The following TICRR variants were observed in gnomAD, a reference collection of about 807,000 sequenced individuals.
The protein encoded by TICRR is treslin.
Under a neutral mutation model 178.1 loss-of-function variants are expected in TICRR, and 132 were observed. That is an observed-to-expected ratio of 0.74 (90% CI 0.64 to 0.86). The LOEUF (loss-of-function observed/expected upper bound fraction) is 0.86, where lower values mean the gene tolerates loss of function less well. Ranked by LOEUF, TICRR falls within the 40% of genes least tolerant of loss-of-function variation. TICRR has a pLI of 0.00. For missense variants in TICRR, 2,587 were observed against 2,334.3 expected (o/e 1.11, Z -2.23); for synonymous variants, 991 against 900.7 (o/e 1.10, Z -1.79).
At chr15:89,582,571 G>A (rs1473344103) in intron 1 of TICRR, 115 bp from the exon 2 acceptor site, 2 of 936,580 alleles carry the variant, frequency 2.1e-6, no homozygotes, top group East Asian at 2.4e-5. Flanking sequence ...TACATTGGTT[G>A]TGTAATTCGA....
In TICRR at chr15:89,599,410, T is replaced by C; in HGVS notation, c.1987T>C (p.Cys663Arg). 1 of 1,613,932 alleles carries C rather than the reference T, an allele frequency of 6.2e-7. No homozygotes were observed. Among genetic ancestry groups the C allele is most frequent in the Non-Finnish European group, 8.5e-7 (1 of 1,179,940 alleles). The change falls in exon 8 of 22, where the codon TGT becomes CGT. Residue 663 changes from cysteine to arginine, a missense_variant. Cys to Arg is a radical substitution (Grantham distance 180). Transcript: ENST00000268138. ...VATGEIMLYA[C>R]ARNMISTVKM... ...CACAGGAGAAATCATGTTGTATGCATGTGCTCGAAACATGATCTCAACCGT... is the reference window on the plus strand; with the variant it reads ...CACAGGAGAAATCATGTTGTATGCACGTGCTCGAAACATGATCTCAACCGT...
intron 1 of TICRR, among the ~76,000 whole-genome samples, chr15:89,580,303 C>T (rs113891074): frequency 0.024 from 3,677 of 152,292 alleles, 111 homozygotes; most frequent in African/African-American, 0.069. Context: ...GGATTACAGG[C>T]GTCAGCCACC....
At chr15:89,616,851 G>A (rs1963343794) in intron 16 of TICRR, among the ~76,000 whole-genome samples, 1 of 152,244 alleles carries the variant, frequency 6.6e-6, no homozygotes, top group African/African-American at 2.4e-5. Flanking sequence ...TGACAGAGGT[G>A]TGGGTGGGGC....
chr15:89,582,616 G>A, intron 1 of TICRR, 70 bp from the exon 2 acceptor site: 1 of 1,429,628 alleles, frequency 7.0e-7, no homozygotes, highest in Non-Finnish European at 9.6e-7. Flanking sequence ...ACTTTCTCCT[G>A]ATTTCCTTTA....
chr15:89,583,266 G>A (rs1232667307), intron 2 of TICRR, among the ~76,000 whole-genome samples: 2 of 152,192 alleles, frequency 1.3e-5, no homozygotes, highest in African/African-American at 2.4e-5. Context: ...ATGGGTATAC[G>A]ATTTCATTGC....
chr15:89,623,932 C>G lies in TICRR; in HGVS notation c.3622C>G (p.Pro1208Ala), dbSNP rs1470550962. The G allele has an allele frequency of 6.2e-7, 1 of 1,614,066 alleles. No individual in the cohort carries two copies. The highest frequency in any genetic ancestry group is 1.7e-5 in the Admixed American group (1 of 60,016). The change falls in exon 20 of 22, where the codon CCA becomes GCA. Residue 1208 changes from proline (P) to alanine (A), a missense_variant. Coordinates refer to ENST00000268138, the MANE Select transcript of TICRR (RefSeq NM_152259.4). ...RQGTQPPGFL[P>A]NCTWPHSVNS... is the part of the protein sequence containing the mutation. ...AGGTACTCAGCCGCCTGGGTTTTTGCCAAACTGTACTTGGCCACATTCAGT... is the reference window on the plus strand; with the variant it reads ...AGGTACTCAGCCGCCTGGGTTTTTGGCAAACTGTACTTGGCCACATTCAGT...
chr15:89,606,644 A>T, intron 13 of TICRR, 124 bp from the exon 14 acceptor site: 1 of 762,858 alleles, frequency 1.3e-6, no homozygotes, highest in Non-Finnish European at 2.2e-6. Context: ...TGTACATTTT[A>T]TTATTTCTAT....
chr15:89,613,788 A>G (rs1963291507), intron 15 of TICRR, among the ~76,000 whole-genome samples: 1 of 97,814 alleles, frequency 1.0e-5, no homozygotes, highest in African/African-American at 4.2e-5. Flanking sequence ...TTGGCAAGTC[A>G]TTGGACTCAT....
At chr15:89,619,966 T>A in intron 18 of TICRR, 124 bp downstream of exon 18, 1 of 1,200,700 alleles carries the variant, frequency 8.3e-7, no homozygotes, top group Non-Finnish European at 1.2e-6. Context: ...TAGGTATGTC[T>A]AGTTGAGGTT....
Position 89,601,737 on chromosome 15 carries a change from G to T in TICRR, c.2328G>T (p.Leu776Phe). 1.9e-6 allele frequency: 3 copies of T among 1,614,108 alleles called. No individual in the cohort carries two copies. Among genetic ancestry groups the T allele is most frequent in the Non-Finnish European group, 2.5e-6 (3 of 1,180,000 alleles). ...CGTATTCGATCAATCTGTTCCACAG[G>T]TATATTGACTCTATCCCAAAGACAC... The part of the protein sequence containing the change: ...LAEFLEEILR[L>F]YIDSIPKTLG... Residue 776 changes from leucine to phenylalanine, a missense_variant and splice_region_variant, in exon 12 of 22, where the codon TTG (leucine) becomes TTT (phenylalanine). Transcript: ENST00000268138.
At chr15:89,619,004 A>G (rs1234236458) in intron 17 of TICRR, among the ~76,000 whole-genome samples, 3 of 152,156 alleles carry the variant, frequency 2.0e-5, no homozygotes, top group African/African-American at 7.2e-5. Flanking sequence ...AGGGGTTTTA[A>G]AAAACTAACT....
chr15:89,619,556 A>G (rs981368303), intron 17 of TICRR, 152 bp from the exon 18 acceptor site: 41 of 740,414 alleles, frequency 5.5e-5, no homozygotes, highest in Non-Finnish European at 8.6e-6. Flanking sequence ...TAGTTTGTTA[A>G]GAGACACTTC....
chr15:89,598,739 C>T (rs746516899), intron 7 of TICRR, among the ~76,000 whole-genome samples: 5 of 152,120 alleles, frequency 3.3e-5, no homozygotes, highest in Non-Finnish European at 4.4e-5. Flanking sequence ...GGCATGGTGG[C>T]TCATGCCAGT....
chr15:89,619,608 A>C, intron 17 of TICRR, 100 bp from the exon 18 acceptor site: 2 of 1,259,864 alleles, frequency 1.6e-6, no homozygotes, highest in East Asian at 4.7e-5. Flanking sequence ...TTTCCATCTT[A>C]TATGTGGTAC....
chr15:89,625,462 T>A lies in TICRR; in HGVS notation c.5152T>A (p.Ser1718Thr), dbSNP rs1866928. 0.34 allele frequency: 544,772 copies of A among 1,613,282 alleles called. 93,023 individuals carry two copies. Among genetic ancestry groups the A allele is most frequent in the African/African-American group, 0.42 (31,456 of 74,800 alleles). ...DLPGSLSLLESEGKDHGLELS... is the reference protein window; with the variant it reads ...DLPGSLSLLETEGKDHGLELS... ...TCCTGGGAGCCTGTCACTGCTTGAGTCAGAGGGCAAGGACCACGGCCTTGA... is the reference window on the plus strand; with the variant it reads ...TCCTGGGAGCCTGTCACTGCTTGAGACAGAGGGCAAGGACCACGGCCTTGA... The change falls in exon 20 of 22, where the codon TCA becomes ACA. Residue 1718 changes from serine (S) to threonine (T), a missense_variant. Physicochemically the swap from Ser to Thr is moderately conservative, Grantham distance 58. Transcript: ENST00000268138.
At chr15:89,593,447 G>T (rs139726249) in intron 5 of TICRR, among the ~76,000 whole-genome samples, 6 of 152,108 alleles carry the variant, frequency 3.9e-5, no homozygotes, top group Admixed American at 3.3e-4. Context: ...GCTCACACCC[G>T]TAACCCCAGT....
intron 13 of TICRR, among the ~76,000 whole-genome samples, chr15:89,605,637 C>T (rs557450297): frequency 2.6e-5 from 4 of 152,282 alleles, no homozygotes; most frequent in Non-Finnish European, 4.4e-5. Context: ...GGATTACAGG[C>T]GTGAGCCTCT....
Position 89,595,481 on chromosome 15 carries a change from G to A in TICRR, c.1770G>A (p.Lys590=). Residue 590 remains lysine (K), a synonymous_variant, in exon 7 of 22, where the codon AAG becomes AAA. Transcript: ENST00000268138. ...TGAATGTCGCAAGGCTGAATGTGAA[G>A]GCCCAGAAGTTACATCCAGATGGCA... The part of the protein sequence containing the change: ...KMLNVARLNV[K]AQKLHPDGSP... 6.2e-7 allele frequency: 1 copy of A among 1,614,142 alleles called. No individual in the cohort carries two copies. The highest frequency in any genetic ancestry group is 8.5e-7 in the Non-Finnish European group (1 of 1,180,022).
intron 4 of TICRR, among the ~76,000 whole-genome samples, chr15:89,586,601 ATGGGGTGTGT>A (rs1962827995): frequency 6.6e-6 from 1 of 152,172 alleles, no homozygotes; most frequent in Non-Finnish European, 1.5e-5. Flanking sequence ...AAACAAAGGA[ATGGGGTGTGT>A]TAGGGTAGGG....
Sources: allele counts gnomAD v4.1 joint callset (sites outside exome capture counted in the v4.1 genomes callset), GRCh38; gene constraint gnomAD v4.1.1; transcripts MANE v1.5; gene names NCBI Gene and HGNC (gene_info 2026-07-23, HGNC 2026-07-21).